NPHP1: variants seen among roughly 807,000 people sequenced by gnomAD.
NPHP1 encodes the protein nephrocystin 1.
NPHP1 carries 70 observed loss-of-function variants against 90.4 expected under a neutral mutation model. The observed-to-expected ratio is 0.77, with a 90% CI of 0.64 to 0.95. NPHP1 has a LOEUF of 0.95. Among genes scored for constraint, NPHP1 ranks in the 40% least tolerant of loss-of-function variants. The pLI is 0.00. For synonymous variants in NPHP1, 256 were observed against 271.7 expected, an observed-to-expected ratio of 0.94 and a Z score of 0.57; for missense variants, 764 against 795.9, an observed-to-expected ratio of 0.96 and a Z score of 0.48.
In NPHP1 at chr2:110,146,688, T is replaced by G. The variant is rs1417205734; in HGVS notation, c.1352+65A>C. The stretch of plus-strand genomic sequence containing the variant: ...ATGCTCATAGAACAAACCTGAGGTA[T>G]CAAGAGTCTAAAAAATGAATTTTTA... On this transcript the variant is annotated intron_variant, in intron 14 of 19. Transcript: ENST00000445609. The G allele has an allele frequency of 9.4e-6, 11 of 1,167,354 alleles. No individual in the cohort carries two copies. In the South Asian group the frequency reaches 1.3e-4, roughly 14 times the overall value. 72.3% of individuals were successfully genotyped at this position (1,167,354 alleles called of 1,614,324 possible). A position where few individuals can be genotyped will look rare whatever the true frequency, so the allele number is the denominator to read the frequency against.
chr2:110,164,744 A>G lies in NPHP1; in HGVS notation c.729-14T>C. 2 of 1,609,836 alleles carry G rather than the reference A, an allele frequency of 1.2e-6. No homozygotes were observed. The highest frequency in any genetic ancestry group is 1.3e-5 in the African/African-American group (1 of 74,956). On this transcript the variant is annotated splice_polypyrimidine_tract_variant and intron_variant, in intron 7 of 19. Transcript: ENST00000445609. ...TGGGGATCAGTTCTGGGGAGACAAA[A>G]TAGCAAAGTGAGTCAGGTCAGGTTA...
At chr2:110,202,370 C>G (rs1283228917) in intron 1 of NPHP1, 1 of 433,726 alleles carries the variant, frequency 2.3e-6, no homozygotes, top group African/African-American at 2.0e-5. Flanking sequence ...AAAATTCACA[C>G]ACCTAGTGAT....
chr2:110,156,548 AT>A (rs1681904923), intron 11 of NPHP1, among the ~76,000 whole-genome samples: 1 of 152,126 alleles, frequency 6.6e-6, no homozygotes, highest in South Asian at 2.1e-4. Flanking sequence ...GAGAAAAAAA[AT>A]AAATCAGTGG....
intron 13 of NPHP1, among the ~76,000 whole-genome samples, chr2:110,147,170 T>C (rs1372722438): frequency 6.6e-6 from 1 of 152,042 alleles, no homozygotes; most frequent in Non-Finnish European, 1.5e-5. Flanking sequence ...TGATGAACCT[T>C]TGTTTCACTG....
rs796674009 is a variant in NPHP1 at position 110,184,003 on chromosome 2, C to A, written c.144-4319G>T. 1.2e-4 allele frequency: 48 copies of A among 390,960 alleles called. 1 individual carries two copies. The highest frequency in any genetic ancestry group is 8.6e-4 in the African/African-American group (42 of 48,672). The allele number at this position is 390,960 out of a possible 1,614,324, so 24.2% of individuals were successfully genotyped here. ...TCAAGATTAAGAAATTCATGAATGG[C>A]ACTAGCGGCAGACCCAACTGGTAGT... On this transcript the variant is annotated intron_variant, in intron 2 of 19. Transcript: ENST00000445609.
At position 110,164,612 on chromosome 2, in the gene NPHP1, C is replaced by T. The variant is rs772549591; in HGVS notation, c.771+76G>A. The stretch of plus-strand genomic sequence containing the variant: ...GTTTCAGATCCATTGGTGTCTTCCA[C>T]AGTCTCCATCCTATTTCGCATCAGA... On this transcript the variant is annotated intron_variant, in intron 8 of 19. Transcript: ENST00000445609. 1.2e-5 allele frequency: 20 copies of T among 1,610,242 alleles called. No homozygotes were observed. The highest frequency in any genetic ancestry group is 1.7e-5 in the Non-Finnish European group (20 of 1,176,518).
At position 110,204,896 on chromosome 2, in the gene NPHP1, A is replaced by G. The variant is rs570913772; in HGVS notation, c.69+4T>C. On this transcript the variant is annotated splice_donor_region_variant and intron_variant, in intron 1 of 19. Transcript: ENST00000445609. ...CCAGGGCCCTCTGCACAGCCTGACC[A>G]TACCTGTTGCTTCAGCTCCTGATTG... 54 of 1,613,790 alleles carry G rather than the reference A, an allele frequency of 3.3e-5. No individual in the cohort carries two copies. The African/African-American group carries it at 6.7e-4, about 20-fold the overall frequency.
Position 110,125,709 on chromosome 2 carries a change from A to T in NPHP1, c.1717-28T>A, listed in dbSNP as rs1349513977. 7 of 1,594,366 alleles carry T rather than the reference A, an allele frequency of 4.4e-6. No homozygotes were observed. In the Admixed American group the frequency reaches 1.2e-4, roughly 27 times the overall value. On this transcript the variant is annotated intron_variant, in intron 18 of 19. Coordinates refer to ENST00000445609, the MANE Select transcript of NPHP1 (RefSeq NM_001128178.3). ...AAAGAGCAAACAGAAATATTATGTT[A>T]GTCCAAGTAGTAACAAGTCCTTGCA...
At chr2:110,184,325 G>C (rs928377831) in intron 2 of NPHP1, 2 of 609,960 alleles carry the variant, frequency 3.3e-6, no homozygotes, top group Non-Finnish European at 6.3e-6. Flanking sequence ...AACACATCTG[G>C]CAATATGTCT....
chr2:110,150,976 G>A (rs1485698331), intron 11 of NPHP1, among the ~76,000 whole-genome samples: 1 of 148,594 alleles, frequency 6.7e-6, no homozygotes, highest in Non-Finnish European at 1.5e-5. Flanking sequence ...GACCAGCCTG[G>A]CCAACATGAT....
chr2:110,171,593 C>T (rs747055177), intron 4 of NPHP1, among the ~76,000 whole-genome samples: 3 of 152,136 alleles, frequency 2.0e-5, no homozygotes, highest in Admixed American at 6.5e-5. Context: ...TGATTTTCAA[C>T]GCGTCTCTTT....
intron 2 of NPHP1, among the ~76,000 whole-genome samples, chr2:110,198,381 T>C (rs1685312162): frequency 6.6e-6 from 1 of 152,176 alleles, no homozygotes; most frequent in South Asian, 2.1e-4. Context: ...GTAAATTAAA[T>C]CATATGCATA....
At chr2:110,199,161 G>A (rs1442739155) in intron 2 of NPHP1, among the ~76,000 whole-genome samples, 1 of 152,096 alleles carries the variant, frequency 6.6e-6, no homozygotes, top group East Asian at 1.9e-4. Flanking sequence ...TGATGGCCAG[G>A]CACGGTGGCT....
intron 2 of NPHP1, among the ~76,000 whole-genome samples, chr2:110,190,510 C>A (rs1206936352): frequency 6.6e-6 from 1 of 152,222 alleles, no homozygotes; most frequent in Non-Finnish European, 1.5e-5. Flanking sequence ...GGAGCCCACG[C>A]CCACCCGGAA....
chr2:110,161,425 G>T (rs964285572), intron 10 of NPHP1, among the ~76,000 whole-genome samples, 178 bp downstream of exon 10: 1 of 152,074 alleles, frequency 6.6e-6, no homozygotes, highest in Admixed American at 6.6e-5. Flanking sequence ...ACAAGATAAA[G>T]TCAAGGTAGC....
chr2:110,139,824 A>C (rs79411784), intron 16 of NPHP1, among the ~76,000 whole-genome samples: 6,515 of 152,192 alleles, frequency 0.043, 458 homozygotes, highest in African/African-American at 0.15. Context: ...CCTTTGAAGG[A>C]GAGGAGGAGA....
At chr2:110,165,308 T>C (rs1243585014) in intron 6 of NPHP1, among the ~76,000 whole-genome samples, 153 bp from the exon 7 acceptor site, 3 of 152,014 alleles carry the variant, frequency 2.0e-5, no homozygotes, top group African/African-American at 7.2e-5. Context: ...TTTCAGAAAA[T>C]CTTGAGCATA....
At chr2:110,163,207 G>C (rs1325223822) in intron 8 of NPHP1, 72 bp from the exon 9 acceptor site, 3 of 1,105,224 alleles carry the variant, frequency 2.7e-6, no homozygotes, top group African/African-American at 1.5e-5. Context: ...TTTATCACTA[G>C]AGTAACTATA....
At chr2:110,176,307 G>T (rs539714399) in intron 4 of NPHP1, among the ~76,000 whole-genome samples, 1 of 151,872 alleles carries the variant, frequency 6.6e-6, no homozygotes, top group African/African-American at 2.4e-5. Context: ...ATGTTCATTT[G>T]ATTTTTCTAT....
Sources: allele counts gnomAD v4.1 joint callset (sites outside exome capture counted in the v4.1 genomes callset), GRCh38; gene constraint gnomAD v4.1.1; transcripts MANE v1.5; gene names NCBI Gene and HGNC (gene_info 2026-07-23, HGNC 2026-07-21).